The following AGBL1 variants were observed in gnomAD, a reference collection of about 807,000 sequenced individuals.
The protein encoded by AGBL1 is AGBL carboxypeptidase 1, also known as cytosolic carboxypeptidase 4.
AGBL1 carries 130 observed loss-of-function variants against 118.9 expected under a neutral mutation model. The observed-to-expected ratio is 1.09, with a 90% CI of 0.95 to 1.26. AGBL1 has a LOEUF of 1.26. Ranked by LOEUF, AGBL1 falls within the 50% of genes most tolerant of loss-of-function variation. AGBL1 has a pLI of 0.00. For missense variants in AGBL1, 1,584 were observed against 1,298.1 expected (o/e 1.22, Z -3.38); for synonymous variants, 555 against 478.9 (o/e 1.16, Z -2.08).
intron 17 of AGBL1, among the ~76,000 whole-genome samples, chr15:86,315,438 C>A (rs933321175): frequency 1.3e-5 from 2 of 151,954 alleles, no homozygotes; most frequent in Non-Finnish European, 2.9e-5. Flanking sequence ...TTCGTGGGGC[C>A]GGGCGCAGTG....
chr15:86,731,133 A>C (rs2077521873), intron 22 of AGBL1, among the ~76,000 whole-genome samples: 1 of 152,134 alleles, frequency 6.6e-6, no homozygotes, highest in African/African-American at 2.4e-5. Flanking sequence ...ACCCGGCCTT[A>C]TATATAAACA....
intron 21 of AGBL1, among the ~76,000 whole-genome samples, chr15:86,604,597 T>C (rs950715439): frequency 6.6e-6 from 1 of 152,162 alleles, no homozygotes; most frequent in African/African-American, 2.4e-5. Flanking sequence ...TCTATGTGCC[T>C]TACCTTTTAA....
Position 86,397,397 on chromosome 15 carries a change from A to G in AGBL1, c.2406A>G (p.Arg802=). The G allele has an allele frequency of 6.2e-7, 1 of 1,610,700 alleles. No individual in the cohort carries two copies. Among genetic ancestry groups the G allele is most frequent in the South Asian group, 1.1e-5 (1 of 90,590 alleles). ...RHRPYQVITA[R]VHPGESNASW... ...GTCCATATCAGGTGATCACTGCTCGAGTTCATCCAGGAGAGAGCAATGCCA... is the reference window on the plus strand; with the variant it reads ...GTCCATATCAGGTGATCACTGCTCGGGTTCATCCAGGAGAGAGCAATGCCA... The change falls in exon 18 of 23, where the codon CGA becomes CGG. Residue 802 remains arginine (R), a synonymous_variant. Transcript: ENST00000614907.
At chr15:86,517,415 C>A (rs1411992274) in intron 18 of AGBL1, among the ~76,000 whole-genome samples, 5 of 152,292 alleles carry the variant, frequency 3.3e-5, no homozygotes, top group African/African-American at 2.4e-5. Flanking sequence ...TTGTGACTAC[C>A]CTTGGAGGAA....
chr15:86,352,064 C>T (rs2080636051), intron 17 of AGBL1, among the ~76,000 whole-genome samples: 1 of 152,154 alleles, frequency 6.6e-6, no homozygotes, highest in Non-Finnish European at 1.5e-5. Context: ...GTCACTTGTT[C>T]TGGAAAGGCC....
downstream of AGBL1, among the ~76,000 whole-genome samples, chr15:87,031,033 TA>T (rs1326746316): frequency 6.6e-6 from 1 of 151,958 alleles, no homozygotes; most frequent in Non-Finnish European, 1.5e-5. Context: ...TGCTGTTATT[TA>T]AAAAAAGCAT....
chr15:87,017,855 C>T (rs1314619509), intron 24 of AGBL1, among the ~76,000 whole-genome samples: 1 of 152,074 alleles, frequency 6.6e-6, no homozygotes, highest in Non-Finnish European at 1.5e-5. Context: ...CTTTGCTGAG[C>T]TAAAGGAGCA....
intron 23 of AGBL1, among the ~76,000 whole-genome samples, chr15:86,930,130 A>C (rs7179437): frequency 0.68 from 102,762 of 151,982 alleles, 35,557 homozygotes; most frequent in South Asian, 0.85. Context: ...ATTATCGTCA[A>C]TGGCTCACTC....
intron 22 of AGBL1, among the ~76,000 whole-genome samples, chr15:86,685,627 G>A (rs2086040363): frequency 6.6e-6 from 1 of 151,934 alleles, no homozygotes; most frequent in Admixed American, 6.6e-5. Context: ...TTATCTTAAA[G>A]CAAGTTTAGA....
intron 17 of AGBL1, among the ~76,000 whole-genome samples, chr15:86,315,559 C>A (rs1016057254): frequency 2.0e-5 from 3 of 150,046 alleles, no homozygotes; most frequent in Non-Finnish European, 4.4e-5. Context: ...ACTAATAATA[C>A]AAAAAAAAAC....
At chr15:86,869,946 G>A (rs1054014201) in intron 22 of AGBL1, among the ~76,000 whole-genome samples, 1 of 152,144 alleles carries the variant, frequency 6.6e-6, no homozygotes, top group South Asian at 2.1e-4. Context: ...CTTATGTCCA[G>A]CAGAGCTGCA....
At chr15:86,623,647 C>A (rs1003878527) in intron 21 of AGBL1, among the ~76,000 whole-genome samples, 1 of 152,164 alleles carries the variant, frequency 6.6e-6, no homozygotes, top group Non-Finnish European at 1.5e-5. Flanking sequence ...CTTCTAGGAA[C>A]CAGTATATGA....
chr15:86,191,582 C>G (rs1240867880), intron 5 of AGBL1, among the ~76,000 whole-genome samples: 2 of 151,966 alleles, frequency 1.3e-5, no homozygotes, highest in Non-Finnish European at 2.9e-5. Flanking sequence ...TTATCAAGAA[C>G]AACTGGTCTT....
intron 3 of AGBL1, among the ~76,000 whole-genome samples, chr15:86,145,428 C>A (rs1017943548): frequency 1.3e-5 from 2 of 152,330 alleles, no homozygotes; most frequent in Admixed American, 1.3e-4. Context: ...AGGACTCATG[C>A]AGACATTGCA....
chr15:86,562,284 A>G (rs1234162188), intron 21 of AGBL1, among the ~76,000 whole-genome samples: 1 of 152,200 alleles, frequency 6.6e-6, no homozygotes, highest in Non-Finnish European at 1.5e-5. Flanking sequence ...TGGGTTTGTC[A>G]TAAATAGCTC....
chr15:86,543,474 T>G (rs895048392), intron 19 of AGBL1, among the ~76,000 whole-genome samples: 7 of 152,208 alleles, frequency 4.6e-5, no homozygotes, highest in African/African-American at 1.7e-4. Flanking sequence ...ATTTCCATTC[T>G]TTTAATGTTT....
chr15:86,314,958 G>A (rs2079978585), intron 17 of AGBL1, among the ~76,000 whole-genome samples: 1 of 152,156 alleles, frequency 6.6e-6, no homozygotes, highest in Non-Finnish European at 1.5e-5. Flanking sequence ...AACTGTCTAA[G>A]CTTCGGGTTC....
chr15:86,236,539 G>T (rs773333315), intron 6 of AGBL1, among the ~76,000 whole-genome samples: 1 of 152,062 alleles, frequency 6.6e-6, no homozygotes, highest in Non-Finnish European at 1.5e-5. Context: ...GAATGCACAC[G>T]GCTCAAGGTT....
chr15:86,544,588 G>A (rs147069102), intron 19 of AGBL1, among the ~76,000 whole-genome samples: 10 of 152,150 alleles, frequency 6.6e-5, no homozygotes, highest in African/African-American at 1.7e-4. Context: ...ATGGCAGCAG[G>A]CAAGAGAAGG....
Sources: gnomAD v4.1 joint callset for allele counts (sites outside exome capture counted in the v4.1 genomes callset) on GRCh38, gnomAD v4.1.1 for gene constraint, MANE v1.5 for transcripts, NCBI Gene and HGNC (gene_info 2026-07-23, HGNC 2026-07-21) for gene names.